Variants in LDLRAD4 observed in about 807,000 individuals in gnomAD.
LDLRAD4 encodes the protein low density lipoprotein receptor class A domain containing 4.
A neutral mutation model predicts 17.0 loss-of-function variants in LDLRAD4; 5 were observed. That is an observed-to-expected ratio of 0.29 (90% CI 0.15 to 0.62). The LOEUF is 0.62. Ranked by LOEUF, LDLRAD4 falls within the 20% of genes least tolerant of loss-of-function variation. The probability of loss-of-function intolerance (pLI) is 0.84; values close to 1 mark genes in which losing one functional copy is unlikely to be tolerated. For missense variants in LDLRAD4, 340 were observed against 424.7 expected (o/e 0.80, Z 1.75); for synonymous variants, 168 against 171.8 (o/e 0.98, Z 0.17).
intron 1 of LDLRAD4, among the ~76,000 whole-genome samples, chr18:13,262,157 TGCGTGGGGGCTGAGTCCC>T (rs2043875484): frequency 7.3e-6 from 1 of 137,438 alleles, no homozygotes; most frequent in African/African-American, 2.7e-5. Context: ...TGCGGCTCTG[TGCGTGGGGGCTGAGTCCC>T]GTGTGGCCCT....
intron 1 of LDLRAD4, among the ~76,000 whole-genome samples, chr18:13,224,481 T>TC: frequency 7.5e-6 from 1 of 134,160 alleles, no homozygotes; most frequent in Admixed American, 7.4e-5. Context: ...TTTCTTTTTT[T>TC]TTTTTTTTTT....
rs555156911 is a variant in LDLRAD4, at chr18:13,452,976, A to C, written c.181+14592A>C. Among the ~76,000 whole-genome samples the C allele has an allele frequency of 7.3e-5, 11 of 150,720 alleles. No homozygotes were observed. In the South Asian group the frequency reaches 2.1e-3, roughly 29 times the overall value. ...ATGCTACATGGAATGCTGCTTTCCA[A>C]GTGCAAATGACCAGGGAGAGAAAGG... On this transcript the variant is annotated intron_variant, in intron 3 of 5. Coordinates refer to ENST00000359446, the Ensembl canonical transcript of LDLRAD4.
intron 3 of LDLRAD4, 140 bp from the exon 5 acceptor site, chr18:13,620,977 T>G (rs1406212795): frequency 6.4e-4 from 728 of 1,137,030 alleles, no homozygotes; most frequent in Middle Eastern, 1.2e-3. Context: ...GGACAGTCGT[T>G]TCTGTGTCCT....
At chr18:13,378,305 G>T (rs1346446457) in intron 1 of LDLRAD4, among the ~76,000 whole-genome samples, 1 of 152,202 alleles carries the variant, frequency 6.6e-6, no homozygotes, top group African/African-American at 2.4e-5. Flanking sequence ...ACAGTTGCAG[G>T]TTCACAGGCT....
chr18:13,306,189 C>T (rs567705399), intron 1 of LDLRAD4, among the ~76,000 whole-genome samples: 16 of 152,306 alleles, frequency 1.1e-4, no homozygotes, highest in African/African-American at 3.8e-4. Flanking sequence ...GGAAGAGAAG[C>T]AGCATGGATA....
chr18:13,318,882 T>G (rs549427276), intron 1 of LDLRAD4, among the ~76,000 whole-genome samples: 2 of 152,188 alleles, frequency 1.3e-5, no homozygotes, highest in Non-Finnish European at 2.9e-5. Flanking sequence ...CACTGAGTCA[T>G]GCTCCCTCTC....
chr18:13,250,016 G>T (rs2043154560), intron 1 of LDLRAD4, among the ~76,000 whole-genome samples: 1 of 152,186 alleles, frequency 6.6e-6, no homozygotes, highest in African/African-American at 2.4e-5. Context: ...AGGGGTACAT[G>T]TGCAGGAAGT....
chr18:13,525,558 G>C (rs2094017360), intron 3 of LDLRAD4, among the ~76,000 whole-genome samples: 3 of 152,248 alleles, frequency 2.0e-5, no homozygotes, highest in Admixed American at 2.0e-4. Flanking sequence ...GCGTGCTTCA[G>C]GGGGCTGAAA....
At chr18:13,518,899 G>A (rs1255355221) in intron 3 of LDLRAD4, among the ~76,000 whole-genome samples, 1 of 152,116 alleles carries the variant, frequency 6.6e-6, no homozygotes, top group African/African-American at 2.4e-5. Context: ...GGCCGCTAGG[G>A]TAGGAAGGGT....
chr18:13,492,230 G>A (rs1047049189), intron 3 of LDLRAD4, among the ~76,000 whole-genome samples: 1 of 152,198 alleles, frequency 6.6e-6, no homozygotes, highest in African/African-American at 2.4e-5. Flanking sequence ...GATGCGAGTG[G>A]CCTGCCACAG....
intron 3 of LDLRAD4, among the ~76,000 whole-genome samples, chr18:13,590,144 C>T (rs2094997561): frequency 2.7e-5 from 4 of 149,772 alleles, no homozygotes; most frequent in South Asian, 2.1e-4. Flanking sequence ...TGTGGGTGTG[C>T]GTGGGTGTGG....
intron 1 of LDLRAD4, among the ~76,000 whole-genome samples, chr18:13,309,284 G>C (rs1473648877): frequency 6.6e-6 from 1 of 152,218 alleles, no homozygotes; most frequent in Non-Finnish European, 1.5e-5. Flanking sequence ...CCATTCTAGA[G>C]TGGCTTCGCG....
chr18:13,244,110 T>C (rs572653686), intron 1 of LDLRAD4, among the ~76,000 whole-genome samples: 8 of 136,698 alleles, frequency 5.9e-5, no homozygotes, highest in African/African-American at 2.2e-4. Context: ...TCCATTCATC[T>C]ATCCACCATG....
chr18:13,287,429 A>G (rs1326613339), intron 1 of LDLRAD4, among the ~76,000 whole-genome samples: 3 of 152,230 alleles, frequency 2.0e-5, no homozygotes, highest in Non-Finnish European at 4.4e-5. Context: ...ATGAGTTTAA[A>G]CAGTAAGGTT....
intron 1 of LDLRAD4, among the ~76,000 whole-genome samples, chr18:13,332,694 C>T (rs556906478): frequency 7.9e-5 from 12 of 151,398 alleles, no homozygotes; most frequent in Admixed American, 2.6e-4. Context: ...TAGTAATATG[C>T]GTTTCATGTT....
intron 3 of LDLRAD4, among the ~76,000 whole-genome samples, chr18:13,503,599 G>A (rs534617685): frequency 1.5e-4 from 23 of 152,290 alleles, no homozygotes; most frequent in Middle Eastern, 3.4e-3. Flanking sequence ...CCAGTGGAAA[G>A]CAGCCCCATG....
chr18:13,331,462 G>A (rs901857314), intron 1 of LDLRAD4, among the ~76,000 whole-genome samples: 2 of 152,162 alleles, frequency 1.3e-5, no homozygotes, highest in African/African-American at 4.8e-5. Context: ...GAGAAAATAA[G>A]CCCTCCAGTT....
At chr18:13,477,667 A>T (rs1452372422) in intron 3 of LDLRAD4, among the ~76,000 whole-genome samples, 7 of 152,198 alleles carry the variant, frequency 4.6e-5, no homozygotes, top group African/African-American at 1.7e-4. Flanking sequence ...TGAGAAAACT[A>T]CAGTTTGGAG....
chr18:13,635,823 G>T (rs1387425608), intron 4 of LDLRAD4, among the ~76,000 whole-genome samples: 3 of 152,250 alleles, frequency 2.0e-5, no homozygotes, highest in Admixed American at 2.0e-4. Context: ...GGGCAGCCAT[G>T]CTCTCCGGAG....
Sources: allele counts gnomAD v4.1 joint callset (sites outside exome capture counted in the v4.1 genomes callset), GRCh38; gene constraint gnomAD v4.1.1; transcripts MANE v1.5; gene names NCBI Gene and HGNC (gene_info 2026-07-23, HGNC 2026-07-21).